ATXN2L: variants seen among roughly 807,000 people sequenced by gnomAD.
ATXN2L encodes ataxin-2-like protein.
A neutral mutation model predicts 120.7 loss-of-function variants in ATXN2L; 24 were observed. The ratio of observed to expected loss-of-function variants is 0.20; its 90% CI spans 0.14 to 0.28. ATXN2L has a LOEUF of 0.28. Among genes scored for constraint, ATXN2L ranks in the 10% least tolerant of loss-of-function variants. The pLI, the probability that ATXN2L is intolerant of heterozygous loss-of-function variation, is 1.00. For missense variants in ATXN2L, 1,312 were observed against 1,432.3 expected, an observed-to-expected ratio of 0.92 and a Z score of 1.36; for synonymous variants, 653 against 568.1, an observed-to-expected ratio of 1.15 and a Z score of -2.13.
At chr16:28,834,745 C>T in intron 18 of ATXN2L, 52 bp downstream of exon 18, 3 of 1,544,780 alleles carry the variant, frequency 1.9e-6, no homozygotes, top group Non-Finnish European at 2.6e-6. Flanking sequence ...GCTAGGGATC[C>T]CATCTTCTCC....
Position 28,836,994 on chromosome 16 carries a change from C to A in ATXN2L, c.*729C>A. The A allele has an allele frequency of 1.5e-6, 1 of 664,968 alleles. No individual in the cohort carries two copies. Among genetic ancestry groups the A allele is most frequent in the Non-Finnish European group, 2.7e-6 (1 of 366,368 alleles). The allele number at this position is 664,968 out of a possible 1,614,324, so 41.2% of individuals were successfully genotyped here. On this transcript the variant is annotated 3_prime_UTR_variant, in exon 22 of 22. Coordinates refer to ENST00000336783, the MANE Select transcript of ATXN2L (RefSeq NM_007245.4). ...GGGTTCCTGCTCTGCCCCTGCCCGT[C>A]CCCACCCAGTCTTGCCCTCCCATCC...
Position 28,836,672 on chromosome 16 carries a change from G to A in ATXN2L, c.*407G>A. On this transcript the variant is annotated 3_prime_UTR_variant, in exon 22 of 22. Transcript: ENST00000336783. ...CCCCCACTGGACGGCATTGGAGGAA[G>A]GGACAGCTGCTTGGGTTCTAATGCT... 6.2e-7 allele frequency: 1 copy of A among 1,613,158 alleles called. No homozygotes were observed. The highest frequency in any genetic ancestry group is 8.5e-7 in the Non-Finnish European group (1 of 1,179,874).
chr16:28,832,085 A>T lies in ATXN2L; in HGVS notation c.1322-120A>T, dbSNP rs545471816. 2.5e-4 allele frequency: 271 copies of T among 1,087,960 alleles called. 1 individual carries two copies. In the African/African-American group the frequency reaches 4.0e-3, roughly 16 times the overall value. The allele number at this position is 1,087,960 out of a possible 1,614,324, so 67.4% of individuals were successfully genotyped here. On this transcript the variant is annotated intron_variant, in intron 10 of 21. Coordinates refer to ENST00000336783, the MANE Select transcript of ATXN2L (RefSeq NM_007245.4). ...TGTTACCTGCCTTGAGCTTCTAGAC[A>T]TTTAAGTTGGTGACTCTGGTTGTAT...
rs750110795 is a variant in ATXN2L, at chr16:28,833,048, C to T, written c.1660-11C>T. On this transcript the variant is annotated splice_polypyrimidine_tract_variant and intron_variant, in intron 13 of 21. Transcript: ENST00000336783. ...GGGTCAGACTGGACTGTGTGTGTTT[C>T]TCTCTTCCAGCTTCAGCCCAGTAGC... 1.2e-6 allele frequency: 2 copies of T among 1,612,504 alleles called. No homozygotes were observed. The highest frequency in any genetic ancestry group is 1.7e-6 in the Non-Finnish European group (2 of 1,179,032).
chr16:28,834,347 C>T lies in ATXN2L; in HGVS notation c.2177C>T (p.Pro726Leu). The change falls in exon 17 of 22, where the codon CCT becomes CTT. Residue 726 changes from proline to leucine, a missense_variant. Pro to Leu is a moderately conservative substitution (Grantham distance 98, BLOSUM62 -3). Coordinates refer to ENST00000336783, the MANE Select transcript of ATXN2L (RefSeq NM_007245.4). ...QIHMGPAVQA[P>L]QMYPYPVSNS... ...CATCTGTGTCCTCATCCCCAGGCACCTCAGATGTATCCATATCCTGTATCC... is the reference window on the plus strand; with the variant it reads ...CATCTGTGTCCTCATCCCCAGGCACTTCAGATGTATCCATATCCTGTATCC... The T allele has an allele frequency of 6.2e-7, 1 of 1,613,948 alleles. No homozygotes were observed. Among genetic ancestry groups the T allele is most frequent in the Non-Finnish European group, 8.5e-7 (1 of 1,179,830 alleles).
At position 28,829,438 on chromosome 16, in the gene ATXN2L, A is replaced by T; in HGVS notation, c.779A>T (p.Asn260Ile). 6.2e-7 allele frequency: 1 copy of T among 1,613,672 alleles called. No individual in the cohort carries two copies. Among genetic ancestry groups the T allele is most frequent in the South Asian group, 1.1e-5 (1 of 91,080 alleles). Residue 260 changes from asparagine (N) to isoleucine (I), a missense_variant, in exon 7 of 22, where the codon AAT (asparagine) becomes ATT (isoleucine). Transcript: ENST00000336783. ...GWDPNEMFKF[N>I]EENYGVKTTY... ...GACCCCAATGAAATGTTCAAGTTCA[A>T]TGAGGAGAACTACGGTGTGAAGACT...
chr16:28,826,693 C>T lies in ATXN2L; in HGVS notation c.617-169C>T, dbSNP rs11861121. 7.7e-4 allele frequency: 591 copies of T among 768,200 alleles called. 1 individual carries two copies. The African/African-American group carries it at 9.3e-3, about 12-fold the overall frequency. The allele number at this position is 768,200 out of a possible 1,614,324, so 47.6% of individuals were successfully genotyped here. A position where few individuals can be genotyped will look rare whatever the true frequency, so the allele number is the denominator to read the frequency against. ...ATAGTACTGATAGACTTTTTATACT[C>T]TTCTTCTCTTGCCTCCCCACCCCCT... is the stretch of plus-strand genomic sequence containing the variant. On this transcript the variant is annotated intron_variant, in intron 5 of 21. Transcript: ENST00000336783.
chr16:28,823,513 A>G lies in ATXN2L; in HGVS notation c.254A>G (p.Gln85Arg), dbSNP rs997536609. 1 of 1,390,244 alleles carries G rather than the reference A, an allele frequency of 7.2e-7. No homozygotes were observed. 86.1% of individuals were successfully genotyped at this position (1,390,244 alleles called of 1,614,324 possible). The change falls in exon 1 of 22, where the codon CAG (glutamine) becomes CGG (arginine). Residue 85 changes from glutamine to arginine, a missense_variant. Transcript: ENST00000336783. Reference sequence around the variant, plus strand: ...TTGGCGCCGCAGCCGCCGCCGCCGCAGCAACACCAGGAGAGGCCGGGGGCA... The same window carrying G: ...TTGGCGCCGCAGCCGCCGCCGCCGCGGCAACACCAGGAGAGGCCGGGGGCA... ...GILAPQPPPP[Q>R]QHQERPGAAA...
chr16:28,825,521 G>A, intron 2 of ATXN2L, 103 bp from the exon 3 acceptor site: 2 of 1,528,424 alleles, frequency 1.3e-6, no homozygotes, highest in Non-Finnish European at 1.8e-6. Flanking sequence ...TGTGGGCCCG[G>A]CACACACAAG....
In ATXN2L at chr16:28,825,825, A is replaced by G. The variant is rs767753186; in HGVS notation, c.449A>G (p.Lys150Arg). ...GGTACCACTTATGAGGGTATCTTCA[A>G]GACGCTAAGCTCAAAGGTCAGTGTA... ...KNGTTYEGIF[K>R]TLSSKFELAV... Residue 150 changes from lysine (K) to arginine (R), a missense_variant, in exon 4 of 22, where the codon AAG (lysine) becomes AGG (arginine). Transcript: ENST00000336783. 1 of 1,613,834 alleles carries G rather than the reference A, an allele frequency of 6.2e-7. No individual in the cohort carries two copies. The highest frequency in any genetic ancestry group is 1.7e-5 in the Admixed American group (1 of 60,002).
Position 28,823,198 on chromosome 16 carries a change from C to T in ATXN2L, c.-62C>T, listed in dbSNP as rs564553864. The stretch of plus-strand genomic sequence containing the variant: ...TCGCTTCCCGCGCTCTCCAGCGGGG[C>T]CCCAGCCCCGGCCCCCTCTCTCCCT... On this transcript the variant is annotated 5_prime_UTR_variant, in exon 1 of 22. Transcript: ENST00000336783. 2.5e-6 allele frequency: 3 copies of T among 1,177,594 alleles called. No individual in the cohort carries two copies. The South Asian group carries it at 7.4e-5, about 29-fold the overall frequency. The allele number at this position is 1,177,594 out of a possible 1,614,324, so 72.9% of individuals were successfully genotyped here.
intron 4 of ATXN2L, 118 bp from the exon 5 acceptor site, chr16:28,826,122 G>A: frequency 7.9e-7 from 1 of 1,268,562 alleles, no homozygotes; most frequent in South Asian, 1.4e-5. Context: ...ATGTAGTGTT[G>A]TGAAAAGTTT....
At chr16:28,834,824 C>A in intron 18 of ATXN2L, 131 bp downstream of exon 18, 3 of 1,233,872 alleles carry the variant, frequency 2.4e-6, no homozygotes, top group Non-Finnish European at 3.3e-6. Flanking sequence ...GTGGTATTGG[C>A]GGTGTCAGAC....
chr16:28,825,243 T>G, intron 1 of ATXN2L, 123 bp from the exon 2 acceptor site: 2 of 958,320 alleles, frequency 2.1e-6, no homozygotes. Context: ...TCTTACTGAT[T>G]AACAATTTTG....
chr16:28,832,705 C>T (rs2054963574), intron 12 of ATXN2L, 112 bp from the exon 13 acceptor site: 1 of 1,416,318 alleles, frequency 7.1e-7, no homozygotes, highest in Non-Finnish European at 9.8e-7. Flanking sequence ...CTGTGATCCT[C>T]AAGAGTTTCT....
chr16:28,823,647 T>G, intron 1 of ATXN2L, 89 bp downstream of exon 1: 2 of 1,199,290 alleles, frequency 1.7e-6, no homozygotes, highest in Non-Finnish European at 2.1e-6. Context: ...CCCGGCACCG[T>G]CAGGGGCACC....
At chr16:28,828,446 C>T (rs1169603445) in intron 6 of ATXN2L, among the ~76,000 whole-genome samples, 3 of 152,010 alleles carry the variant, frequency 2.0e-5, no homozygotes, top group Non-Finnish European at 2.9e-5. Context: ...ATTAGCTGGG[C>T]GTGGTGGCAC....
chr16:28,835,512 T>C (rs1472216151), intron 20 of ATXN2L, 37 bp from the exon 21 acceptor site: 1 of 1,611,176 alleles, frequency 6.2e-7, no homozygotes. Flanking sequence ...AGCGAGTTGC[T>C]GGCCTGTGTG....
intron 8 of ATXN2L, 91 bp downstream of exon 8, chr16:28,830,149 T>C (rs976910638): frequency 2.8e-5 from 36 of 1,282,852 alleles, no homozygotes; most frequent in Non-Finnish European, 3.8e-5. Context: ...GGTTTAAGCC[T>C]TGTGACCATG....
Sources: allele counts gnomAD v4.1 joint callset (sites outside exome capture counted in the v4.1 genomes callset), GRCh38; gene constraint gnomAD v4.1.1; transcripts MANE v1.5; gene names NCBI Gene and HGNC (gene_info 2026-07-23, HGNC 2026-07-21).